The following CEBPG variants were observed in gnomAD, a reference collection of about 807,000 sequenced individuals.
CEBPG encodes CCAAT enhancer binding protein gamma, also known as CCAAT/enhancer-binding protein gamma.
A neutral mutation model predicts 11.1 loss-of-function variants in CEBPG; 6 were observed. That is an observed-to-expected ratio of 0.54 (90% CI 0.30 to 1.07). CEBPG has a LOEUF of 1.07. CEBPG is among the 50% of genes least tolerant of loss of function. CEBPG has a pLI of 0.07. For missense variants in CEBPG, 161 were observed against 187.4 expected (o/e 0.86, Z 0.82); for synonymous variants, 66 against 71.0 (o/e 0.93, Z 0.36).
At chr19:33,376,350 G>A (rs780952344) in intron 1 of CEBPG, among the ~76,000 whole-genome samples, 4 of 152,160 alleles carry the variant, frequency 2.6e-5, no homozygotes, top group Non-Finnish European at 5.9e-5. Context: ...TGTGACTGAC[G>A]TGAATGAACA....
intron 1 of CEBPG, among the ~76,000 whole-genome samples, chr19:33,377,387 A>G (rs1027382845): frequency 2.0e-5 from 3 of 152,238 alleles, no homozygotes; most frequent in Non-Finnish European, 4.4e-5. Context: ...GCTATCTCTG[A>G]GCATGGACAA....
intron 1 of CEBPG, among the ~76,000 whole-genome samples, chr19:33,377,705 C>T (rs561426849): frequency 4.6e-5 from 7 of 152,280 alleles, no homozygotes; most frequent in East Asian, 1.9e-4. Context: ...TGGAGTGGAT[C>T]GCCCTCATGG....
chr19:33,379,712 T>G lies in CEBPG; in HGVS notation c.*20T>G. 1 of 1,580,870 alleles carries G rather than the reference T, an allele frequency of 6.3e-7. No homozygotes were observed. The highest frequency in any genetic ancestry group is 8.6e-7 in the Non-Finnish European group (1 of 1,160,518). On this transcript the variant is annotated 3_prime_UTR_variant, in exon 2 of 2. Coordinates refer to ENST00000284000, the MANE Select transcript of CEBPG (RefSeq NM_001806.4). ...CAGTAGACCTCACCCTTTCCAGACT[T>G]TAGAGCTTGTGGCTTGAATGTTAAA...
chr19:33,374,168 G>GGGCGCCCCTCGC (rs1406160966), intron 1 of CEBPG: 3 of 149,950 alleles, frequency 2.0e-5, no homozygotes, highest in African/African-American at 7.3e-5. Flanking sequence ...GCGCTGCCCG[G>GGGCGCCCCTCGC]GGCGCCCCTC....
At chr19:33,375,900 T>C (rs1186906665) in intron 1 of CEBPG, among the ~76,000 whole-genome samples, 1 of 152,146 alleles carries the variant, frequency 6.6e-6, no homozygotes, top group Non-Finnish European at 1.5e-5. Flanking sequence ...GAGATGAATT[T>C]TCACCAGGAG....
chr19:33,378,726 A>G (rs1343021670), intron 1 of CEBPG, among the ~76,000 whole-genome samples: 1 of 152,206 alleles, frequency 6.6e-6, no homozygotes, highest in Non-Finnish European at 1.5e-5. Context: ...GCGCAACCCC[A>G]GCCTTCTGTT....
intron 1 of CEBPG, among the ~76,000 whole-genome samples, chr19:33,377,567 A>G (rs1967926306): frequency 6.6e-6 from 1 of 152,276 alleles, no homozygotes; most frequent in African/African-American, 2.4e-5. Context: ...ATGGATAATA[A>G]TAATGTTAGG....
chr19:33,375,708 C>T (rs1967903624), intron 1 of CEBPG, among the ~76,000 whole-genome samples: 4 of 152,156 alleles, frequency 2.6e-5, no homozygotes, highest in Admixed American at 2.6e-4. Flanking sequence ...TTGTGAAGAT[C>T]TGCAGGGAGA....
At chr19:33,376,663 T>C (rs868021961) in intron 1 of CEBPG, among the ~76,000 whole-genome samples, 1 of 152,204 alleles carries the variant, frequency 6.6e-6, no homozygotes, top group East Asian at 1.9e-4. Flanking sequence ...GTGATTCACA[T>C]GGAAGGAAGC....
Position 33,377,837 on chromosome 19 carries a change from C to T in CEBPG, c.-96-1307C>T, listed in dbSNP as rs1967930366. Among the ~76,000 whole-genome samples, 4 of 152,252 alleles carry T rather than the reference C, an allele frequency of 2.6e-5. No homozygotes were observed. In the South Asian group the frequency reaches 8.3e-4, roughly 32 times the overall value. The stretch of plus-strand genomic sequence containing the variant: ...GTAATGACACATGGACTTTTCAAAG[C>T]AAAGATGTTTTTTAAAAAGAGACCA... On this transcript the variant is annotated intron_variant, in intron 1 of 1. Coordinates refer to ENST00000284000, the MANE Select transcript of CEBPG (RefSeq NM_001806.4).
intron 1 of CEBPG, among the ~76,000 whole-genome samples, chr19:33,377,740 CCT>C (rs1967929274): frequency 6.6e-6 from 1 of 152,178 alleles, no homozygotes. Flanking sequence ...TTTTGTCTTG[CCT>C]TAGTGTTGGC....
intron 1 of CEBPG, among the ~76,000 whole-genome samples, chr19:33,378,356 C>T (rs910008489): frequency 2.0e-5 from 3 of 152,176 alleles, no homozygotes; most frequent in Non-Finnish European, 4.4e-5. Context: ...GTCCCAGGAC[C>T]CGCACTTCCT....
intron 1 of CEBPG, among the ~76,000 whole-genome samples, chr19:33,378,815 C>T (rs1350741918): frequency 2.0e-5 from 3 of 152,200 alleles, no homozygotes; most frequent in Admixed American, 6.5e-5. Context: ...TGCAGCTCCT[C>T]CCTGGGAGAT....
At chr19:33,374,731 G>C (rs1967892291) in intron 1 of CEBPG, 1 of 152,160 alleles carries the variant, frequency 6.6e-6, no homozygotes, top group African/African-American at 2.4e-5. Context: ...CCTCTTGTTT[G>C]AAGTTTATAC....
chr19:33,377,148 C>T (rs575904826), intron 1 of CEBPG, among the ~76,000 whole-genome samples: 1 of 152,198 alleles, frequency 6.6e-6, no homozygotes, highest in Non-Finnish European at 1.5e-5. Context: ...CGGAAACAGG[C>T]GTGAACGTTG....
intron 1 of CEBPG, chr19:33,374,557 T>C (rs1290212244): frequency 6.6e-6 from 1 of 152,142 alleles, no homozygotes; most frequent in Non-Finnish European, 1.5e-5. Flanking sequence ...AGAGAAGAAA[T>C]GAAGCACTTC....
chr19:33,380,973 C>T lies in CEBPG; in HGVS notation c.*1281C>T, dbSNP rs1292459314. The T allele has an allele frequency of 6.0e-6, 1 of 167,030 alleles. No individual in the cohort carries two copies. The highest frequency in any genetic ancestry group is 2.4e-5 in the African/African-American group (1 of 41,440). The allele number at this position is 167,030 out of a possible 1,614,324, so 10.3% of individuals were successfully genotyped here. A position where few individuals can be genotyped will look rare whatever the true frequency, so the allele number is the denominator to read the frequency against. ...CAGGATATTGACATTTTTGTTGAGACTAAAAAATGGCAGTCGCTAAAGTAG... is the reference window on the plus strand; with the variant it reads ...CAGGATATTGACATTTTTGTTGAGATTAAAAAATGGCAGTCGCTAAAGTAG... On this transcript the variant is annotated 3_prime_UTR_variant, in exon 2 of 2. Transcript: ENST00000284000.
Position 33,379,384 on chromosome 19 carries a change from A to G in CEBPG, c.145A>G (p.Ser49Gly). Residue 49 changes from serine to glycine, a missense_variant, in exon 2 of 2, where the codon AGC becomes GGC. Coordinates refer to ENST00000284000, the MANE Select transcript of CEBPG (RefSeq NM_001806.4). ...PGGGGKAVAP[S>G]KQSKKSSPMD... ...GGGAGGAGGCAAAGCTGTGGCTCCC[A>G]GCAAGCAGAGCAAAAAGAGTTCGCC... is the stretch of plus-strand genomic sequence containing the variant. 1 of 1,614,096 alleles carries G rather than the reference A, an allele frequency of 6.2e-7. No individual in the cohort carries two copies.
intron 1 of CEBPG, among the ~76,000 whole-genome samples, chr19:33,375,808 T>C (rs2145309281): frequency 6.6e-6 from 1 of 152,244 alleles, no homozygotes; most frequent in African/African-American, 2.4e-5. Context: ...AGGATACAGA[T>C]AGTGGTTTAG....
Sources: allele counts gnomAD v4.1 joint callset (sites outside exome capture counted in the v4.1 genomes callset), GRCh38; gene constraint gnomAD v4.1.1; transcripts MANE v1.5; gene names NCBI Gene and HGNC (gene_info 2026-07-23, HGNC 2026-07-21).